ZNF45: variants seen among roughly 807,000 people sequenced by gnomAD.
ZNF45 encodes the protein BRC1744.
ZNF45 carries 4 observed loss-of-function variants against 12.0 expected under a neutral mutation model. The observed-to-expected ratio is 0.33, with a 90% CI of 0.16 to 0.76. The LOEUF (loss-of-function observed/expected upper bound fraction) is 0.76. Ranked by LOEUF, ZNF45 falls within the 30% of genes least tolerant of loss-of-function variation. ZNF45 has a pLI of 0.60. For missense variants in ZNF45, 700 were observed against 813.0 expected, an observed-to-expected ratio of 0.86 and a Z score of 1.69; for synonymous variants, 272 against 279.6, an observed-to-expected ratio of 0.97 and a Z score of 0.27.
At chr19:43,932,827 A>G (rs902577727) in intron 2 of ZNF45, 137 bp from the exon 3 acceptor site, 2 of 152,208 alleles carry the variant, frequency 1.3e-5, no homozygotes, top group Non-Finnish European at 2.9e-5. Context: ...GCATTCTCCT[A>G]GCTGCCAGGA....
chr19:43,919,491 A>C, intron 8 of ZNF45, 82 bp downstream of exon 8: 1 of 1,488,822 alleles, frequency 6.7e-7, no homozygotes. Context: ...AAACCAGTTC[A>C]AGAGCTCCAA....
chr19:43,930,534 T>C (rs951210390), intron 3 of ZNF45, among the ~76,000 whole-genome samples: 1 of 152,206 alleles, frequency 6.6e-6, no homozygotes, highest in African/African-American at 2.4e-5. Flanking sequence ...TTGACGGAAC[T>C]GTCCAAGGGC....
chr19:43,932,573 T>C (rs1974216232), intron 3 of ZNF45, 31 bp downstream of exon 3: 1 of 152,212 alleles, frequency 6.6e-6, no homozygotes. Context: ...AAAATCCAGA[T>C]GCCTGTTGGA....
rs1442440199 is a variant in ZNF45, at chr19:43,932,632, CT to C, written c.-429del. On this transcript the variant is annotated 5_prime_UTR_variant, in exon 3 of 10. An upstream open reading frame in the 5' UTR gains an earlier in-frame stop. Coordinates refer to ENST00000269973, the MANE Select transcript of ZNF45 (RefSeq NM_003425.4). ...CTGAATAACTCCTCTTTGCAAACCT[CT>C]TGCTGGGTACTCTTGAGAAGAATAT... The C allele has an allele frequency of 6.6e-6, 1 of 152,182 alleles. No individual in the cohort carries two copies. The highest frequency in any genetic ancestry group is 1.9e-4 in the East Asian group (1 of 5,192). The allele number at this position is 152,182 out of a possible 1,614,324, so 9.4% of individuals were successfully genotyped here.
At chr19:43,929,406 T>C (rs1973944842) in intron 3 of ZNF45, among the ~76,000 whole-genome samples, 1 of 152,190 alleles carries the variant, frequency 6.6e-6, no homozygotes, top group African/African-American at 2.4e-5. Context: ...TCTCCCTAAG[T>C]CTGCTGAATC....
In ZNF45 at chr19:43,913,757, T is replaced by G; in HGVS notation, c.1679A>C (p.Glu560Ala). The change falls in exon 10 of 10, where the codon GAG becomes GCG. Residue 560 changes from glutamate to alanine, a missense_variant. Transcript: ENST00000269973. The stretch of plus-strand genomic sequence containing the variant: ...GGCCCGACAGAAGCCCTTCCCACAC[T>G]CCTCACATTGATAGGGTTTCTCTCC... ...HTGEKPYQCE[E>A]CGKGFCRASN... The G allele has an allele frequency of 3.1e-6, 5 of 1,613,798 alleles. No individual in the cohort carries two copies. Among genetic ancestry groups the G allele is most frequent in the Non-Finnish European group, 4.2e-6 (5 of 1,179,936 alleles).
intron 3 of ZNF45, among the ~76,000 whole-genome samples, chr19:43,926,835 A>G (rs1973717417): frequency 6.6e-6 from 1 of 152,250 alleles, no homozygotes; most frequent in Non-Finnish European, 1.5e-5. Context: ...TGTGAAGACA[A>G]ATAACAGGCA....
intron 7 of ZNF45, among the ~76,000 whole-genome samples, chr19:43,920,537 G>GA (rs1446831355): frequency 4.1e-5 from 2 of 48,792 alleles, no homozygotes; most frequent in Non-Finnish European, 9.7e-5. Flanking sequence ...TTGCCGGGTG[G>GA]GGGGGGGGGG....
chr19:43,918,513 G>A (rs1004584143), intron 9 of ZNF45, among the ~76,000 whole-genome samples: 5 of 152,172 alleles, frequency 3.3e-5, no homozygotes, highest in East Asian at 1.9e-4. Context: ...CTGTAAGGAC[G>A]CAGCAAAGAA....
At chr19:43,921,031 G>A (rs933804216) in intron 7 of ZNF45, among the ~76,000 whole-genome samples, 1 of 152,174 alleles carries the variant, frequency 6.6e-6, no homozygotes, top group Non-Finnish European at 1.5e-5. Context: ...AATCGAGTAG[G>A]GGCAGTATTA....
intron 3 of ZNF45, among the ~76,000 whole-genome samples, chr19:43,930,989 C>T (rs1013492766): frequency 4.0e-5 from 6 of 150,272 alleles, no homozygotes; most frequent in Admixed American, 2.7e-4. Context: ...AGACTAGTTA[C>T]GTTTCAGGTG....
intron 7 of ZNF45, 85 bp from the exon 8 acceptor site, chr19:43,919,784 T>C (rs1972979823): frequency 6.1e-6 from 9 of 1,480,512 alleles, no homozygotes; most frequent in Non-Finnish European, 7.4e-6. Context: ...GAAAAAGATG[T>C]GTAGGGAAAG....
chr19:43,913,224 G>T lies in ZNF45; in HGVS notation c.*163C>A. 1 of 681,050 alleles carries T rather than the reference G, an allele frequency of 1.5e-6. No homozygotes were observed. Among genetic ancestry groups the T allele is most frequent in the Non-Finnish European group, 2.3e-6 (1 of 431,070 alleles). The allele number at this position is 681,050 out of a possible 1,614,324, so 42.2% of individuals were successfully genotyped here. A position where few individuals can be genotyped will look rare whatever the true frequency, so the allele number is the denominator to read the frequency against. On this transcript the variant is annotated 3_prime_UTR_variant, in exon 10 of 10. Coordinates refer to ENST00000269973, the MANE Select transcript of ZNF45 (RefSeq NM_003425.4). ...CTGCATGTATCAGCTAATGGTCAAT[G>T]TTCTGAATGCAGTCCATATGTCTCC...
At chr19:43,933,423 C>A (rs1974290405) in intron 2 of ZNF45, among the ~76,000 whole-genome samples, 1 of 152,052 alleles carries the variant, frequency 6.6e-6, no homozygotes, top group Non-Finnish European at 1.5e-5. Context: ...CACTGCACTC[C>A]AGCCTGGGCA....
In ZNF45 at chr19:43,922,336, A is replaced by C. The variant is rs539258436; in HGVS notation, c.-32-119T>G. ...GTTTTTTTTAACGTGAAATAGCAAC[A>C]GTGTTCCTTCCTCGGGCTGGCTTGA... is the stretch of plus-strand genomic sequence containing the variant. On this transcript the variant is annotated intron_variant, in intron 6 of 9. Coordinates refer to ENST00000269973, the MANE Select transcript of ZNF45 (RefSeq NM_003425.4). The C allele has an allele frequency of 2.9e-4, 180 of 623,610 alleles. No homozygotes were observed. In the African/African-American group the frequency reaches 3.0e-3, roughly 10 times the overall value. 38.6% of individuals were successfully genotyped at this position (623,610 alleles called of 1,614,324 possible).
In ZNF45 at chr19:43,913,733, G is replaced by T; in HGVS notation, c.1703C>A (p.Ala568Asp). Residue 568 changes from alanine (A) to aspartate (D), a missense_variant, in exon 10 of 10, where the codon GCC becomes GAC. Ala to Asp is a moderately radical substitution (Grantham distance 126, BLOSUM62 -2). Transcript: ENST00000269973. ...TCCACGATGTGCCAGAAAATTGGAG[G>T]CCCGACAGAAGCCCTTCCCACACTC... ...CEECGKGFCR[A>D]SNFLAHRGVH... is the part of the protein sequence containing the mutation. 1 of 1,607,536 alleles carries T rather than the reference G, an allele frequency of 6.2e-7. No individual in the cohort carries two copies. Among genetic ancestry groups the T allele is most frequent in the Non-Finnish European group, 8.5e-7 (1 of 1,178,138 alleles).
chr19:43,923,431 TGTTA>T (rs1393402202), intron 6 of ZNF45, among the ~76,000 whole-genome samples: 1 of 152,184 alleles, frequency 6.6e-6, no homozygotes, highest in African/African-American at 2.4e-5. Context: ...AAGTTATTGT[TGTTA>T]GTCTCTTACT....
intron 9 of ZNF45, among the ~76,000 whole-genome samples, chr19:43,917,066 T>C (rs751962992): frequency 6.6e-6 from 1 of 152,232 alleles, no homozygotes; most frequent in East Asian, 1.9e-4. Context: ...TATTTTTCTA[T>C]ATAGATCACA....
In ZNF45 at chr19:43,915,196, G is replaced by T; in HGVS notation, c.240C>A (p.Ala80=). ...GAGTCTCCATCTCTTTTAGATTCTT[G>T]GCTCCTAAAAGGATAAAGAAAATGT... The part of the protein sequence containing the change: ...MATQRDNSSG[A]KNLKEMETLQ... The change falls in exon 10 of 10, where the codon GCC becomes GCA. Residue 80 remains alanine (A), a synonymous_variant. Coordinates refer to ENST00000269973, the MANE Select transcript of ZNF45 (RefSeq NM_003425.4). The T allele has an allele frequency of 6.7e-7, 1 of 1,488,942 alleles. No homozygotes were observed. 92.2% of individuals were successfully genotyped at this position (1,488,942 alleles called of 1,614,324 possible).
Sources: allele counts gnomAD v4.1 joint callset (sites outside exome capture counted in the v4.1 genomes callset), GRCh38; gene constraint gnomAD v4.1.1; transcripts MANE v1.5; gene names NCBI Gene and HGNC (gene_info 2026-07-23, HGNC 2026-07-21).